The following OPCML variants were observed in gnomAD, a reference collection of about 807,000 sequenced individuals.
OPCML encodes the protein opioid-binding protein/cell adhesion molecule.
Under a neutral mutation model 37.8 loss-of-function variants are expected in OPCML, and 13 were observed. That is an observed-to-expected ratio of 0.34 (90% confidence interval 0.22 to 0.55). The LOEUF is 0.55. Ranked by LOEUF, OPCML falls within the 20% of genes least tolerant of loss-of-function variation. OPCML has a pLI of 0.91. For missense variants in OPCML, 341 were observed against 435.6 expected, an observed-to-expected ratio of 0.78 and a Z score of 1.93; for synonymous variants, 176 against 168.8, an observed-to-expected ratio of 1.04 and a Z score of -0.33.
At chr11:133,026,110 T>C in intron 1 of OPCML, 2 of 984,304 alleles carry the variant, frequency 2.0e-6, no homozygotes, top group Non-Finnish European at 2.4e-6. Flanking sequence ...TGTTCAAGTT[T>C]TCTGTTGCAC....
In OPCML at chr11:133,206,577, T is replaced by C. The variant is rs1939070970; in HGVS notation, c.62-263567A>G. Reference sequence around the variant, plus strand: ...ATCTAAGCCACTAATAAATGAAGGGTAGTAGATTTGGAAAGCTGTTTATAG... The same window carrying C: ...ATCTAAGCCACTAATAAATGAAGGGCAGTAGATTTGGAAAGCTGTTTATAG... On this transcript the variant is annotated intron_variant, in intron 1 of 7. Coordinates refer to ENST00000524381, the MANE Select transcript of OPCML (RefSeq NM_001012393.5). The surrounding 1 kb of genome is among the most constrained non-coding windows in gnomAD (Gnocchi z 4.7). Among the ~76,000 whole-genome samples the C allele has an allele frequency of 6.6e-6, 1 of 151,996 alleles. No individual in the cohort carries two copies. Among genetic ancestry groups the C allele is most frequent in the Admixed American group, 6.6e-5 (1 of 15,248 alleles).
rs572490219 is a variant in OPCML, at chr11:133,342,371, C to T, written c.61+189893G>A. Among the ~76,000 whole-genome samples, 7 of 152,302 alleles carry T rather than the reference C, an allele frequency of 4.6e-5. No homozygotes were observed. In the East Asian group the frequency reaches 5.8e-4, roughly 13 times the overall value. ...GCGCCCCGCACTCATGGTTATGCAA[C>T]GCAACAACTTGATAGAGTGCCGCTG... On this transcript the variant is annotated intron_variant, in intron 1 of 7. Transcript: ENST00000524381.
chr11:132,537,957 T>A (rs2096345406), intron 3 of OPCML, among the ~76,000 whole-genome samples: 1 of 152,150 alleles, frequency 6.6e-6, no homozygotes, highest in Non-Finnish European at 1.5e-5. Context: ...CTAATACAGT[T>A]GGTGGGAATG....
intron 1 of OPCML, among the ~76,000 whole-genome samples, chr11:132,983,200 A>G (rs1946622736): frequency 6.6e-6 from 1 of 152,166 alleles, no homozygotes; most frequent in South Asian, 2.1e-4. Context: ...TGCTAAAGCC[A>G]TGGCCCGGTG....
intron 1 of OPCML, among the ~76,000 whole-genome samples, chr11:133,034,222 G>A (rs1299450507): frequency 6.6e-6 from 1 of 151,896 alleles, no homozygotes; most frequent in African/African-American, 2.4e-5. Flanking sequence ...ACTTCTCTAT[G>A]GGGCAGTAGA....
rs192252412 is a variant in OPCML, at chr11:133,084,644, T to C, written c.62-141634A>G. Among the ~76,000 whole-genome samples the C allele has an allele frequency of 4.0e-4, 61 of 152,340 alleles. 1 individual carries two copies. The highest frequency in any genetic ancestry group is 1.4e-3 in the African/African-American group (58 of 41,586). On this transcript the variant is annotated intron_variant, in intron 1 of 7. Coordinates refer to ENST00000524381, the MANE Select transcript of OPCML (RefSeq NM_001012393.5). ...GGGGCGCTCCAGGCAGTCGGACAGATAGGGCCTGGCCTGATCAGAGAGGTC... is the reference window on the plus strand; with the variant it reads ...GGGGCGCTCCAGGCAGTCGGACAGACAGGGCCTGGCCTGATCAGAGAGGTC...
chr11:133,505,638 A>G (rs1948013612), intron 1 of OPCML, among the ~76,000 whole-genome samples: 1 of 152,174 alleles, frequency 6.6e-6, no homozygotes, highest in South Asian at 2.1e-4. Context: ...TTTGTCACCC[A>G]TAGACATTGG....
At chr11:132,559,961 A>G (rs777028709) in intron 3 of OPCML, among the ~76,000 whole-genome samples, 14 of 152,350 alleles carry the variant, frequency 9.2e-5, no homozygotes, top group South Asian at 4.1e-4. Flanking sequence ...CTCACTTTAT[A>G]TAAAAGCCAT....
intron 7 of OPCML, among the ~76,000 whole-genome samples, chr11:132,433,072 G>A (rs2096002672): frequency 6.6e-6 from 1 of 152,172 alleles, no homozygotes. Context: ...GTGCCAACAG[G>A]GTGAAGTGAG....
intron 1 of OPCML, among the ~76,000 whole-genome samples, chr11:133,369,784 C>A (rs186985487): frequency 2.9e-4 from 44 of 152,164 alleles, no homozygotes; most frequent in South Asian, 1.5e-3. Flanking sequence ...GTAAATAAAA[C>A]AACAATACAA....
intron 2 of OPCML, among the ~76,000 whole-genome samples, chr11:132,860,284 C>G (rs1389710528): frequency 6.6e-6 from 1 of 152,218 alleles, no homozygotes; most frequent in East Asian, 1.9e-4. Context: ...GTTCCTGAAC[C>G]TGATGCAGAA....
intron 7 of OPCML, among the ~76,000 whole-genome samples, chr11:132,429,928 G>A (rs1352348992): frequency 6.6e-6 from 1 of 152,092 alleles, no homozygotes; most frequent in Non-Finnish European, 1.5e-5. Context: ...AGGTGCCGGA[G>A]GAGCTAGAAG....
chr11:132,492,909 C>A (rs545545594), intron 4 of OPCML, among the ~76,000 whole-genome samples: 1 of 152,234 alleles, frequency 6.6e-6, no homozygotes, highest in South Asian at 2.1e-4. Flanking sequence ...CTGACAGGTA[C>A]ATTATAAATA....
chr11:133,372,465 G>A (rs1195417162), intron 1 of OPCML, among the ~76,000 whole-genome samples: 2 of 152,152 alleles, frequency 1.3e-5, no homozygotes, highest in African/African-American at 4.8e-5. Flanking sequence ...AGGATTAAAT[G>A]AGAAATGCAT....
At chr11:132,906,735 G>C (rs1031497862) in intron 2 of OPCML, among the ~76,000 whole-genome samples, 1 of 152,186 alleles carries the variant, frequency 6.6e-6, no homozygotes, top group Non-Finnish European at 1.5e-5. Context: ...AATGGAAGTA[G>C]ATATTTCCAG....
At chr11:133,466,485 AC>A (rs2136996764) in intron 1 of OPCML, among the ~76,000 whole-genome samples, 1 of 152,318 alleles carries the variant, frequency 6.6e-6, no homozygotes, top group South Asian at 2.1e-4. Context: ...CAGTGGAAGC[AC>A]AGGTTCAGGA....
At chr11:133,272,830 A>C (rs539310514) in intron 1 of OPCML, among the ~76,000 whole-genome samples, 4 of 152,370 alleles carry the variant, frequency 2.6e-5, no homozygotes, top group Admixed American at 2.0e-4. Context: ...ATCCAAGCAC[A>C]AAGGAATGAT....
At chr11:132,719,307 C>T (rs1388731615) in intron 2 of OPCML, among the ~76,000 whole-genome samples, 7 of 152,174 alleles carry the variant, frequency 4.6e-5, no homozygotes, top group Admixed American at 2.6e-4. Flanking sequence ...TTTTCCTGTT[C>T]ATATGTTTGG....
At chr11:132,513,564 A>G (rs2096273545) in intron 4 of OPCML, among the ~76,000 whole-genome samples, 1 of 152,196 alleles carries the variant, frequency 6.6e-6, no homozygotes, top group Admixed American at 6.5e-5. Context: ...AGAAAAAATG[A>G]ATTTTATCCT....
Sources: allele counts gnomAD v4.1 joint callset (sites outside exome capture counted in the v4.1 genomes callset), GRCh38; gene constraint gnomAD v4.1.1; non-coding constraint Gnocchi (gnomAD v3.1); transcripts MANE v1.5; gene names NCBI Gene and HGNC (gene_info 2026-07-23, HGNC 2026-07-21).